The following DPP10 variants were observed in gnomAD, a reference collection of about 807,000 sequenced individuals.
DPP10 encodes inactive dipeptidyl peptidase 10.
Under a neutral mutation model 120.9 loss-of-function variants are expected in DPP10, and 33 were observed. That is an observed-to-expected ratio of 0.27 (90% CI 0.21 to 0.37). The LOEUF (loss-of-function observed/expected upper bound fraction) is 0.37. DPP10 is among the 10% of genes least tolerant of loss of function. The pLI, the probability that DPP10 is intolerant of heterozygous loss-of-function variation, is 1.00. For missense variants in DPP10, 816 were observed against 942.8 expected (o/e 0.87, Z 1.76); for synonymous variants, 337 against 326.1 (o/e 1.03, Z -0.36).
At chr2:115,730,282 A>G (rs1282535740) in intron 8 of DPP10, among the ~76,000 whole-genome samples, 1 of 152,138 alleles carries the variant, frequency 6.6e-6, no homozygotes. Context: ...AGACAATGAA[A>G]TATATAGGTC....
intron 2 of DPP10, among the ~76,000 whole-genome samples, chr2:115,326,296 G>C (rs2062360310): frequency 6.6e-6 from 1 of 152,018 alleles, no homozygotes; most frequent in South Asian, 2.1e-4. Flanking sequence ...CCGTAGTAAG[G>C]TCATAGTAGC....
intron 1 of DPP10, among the ~76,000 whole-genome samples, chr2:114,761,446 T>A (rs1038682652): frequency 7.2e-5 from 11 of 152,178 alleles, no homozygotes; most frequent in Admixed American, 6.5e-4. Context: ...AGAGACTCGC[T>A]CGTATGCTTG....
At chr2:115,820,017 T>C (rs1329012171) in intron 21 of DPP10, among the ~76,000 whole-genome samples, 1 of 152,128 alleles carries the variant, frequency 6.6e-6, no homozygotes, top group African/African-American at 2.4e-5. Flanking sequence ...AAAACAAATA[T>C]AAGCATTTAA....
At chr2:115,513,983 T>G (rs1371689292) in intron 4 of DPP10, among the ~76,000 whole-genome samples, 3 of 151,976 alleles carry the variant, frequency 2.0e-5, no homozygotes, top group African/African-American at 7.2e-5. Context: ...TTTGTTTATT[T>G]AGAAATGACA....
chr2:115,043,265 A>T (rs1704803025), intron 1 of DPP10, among the ~76,000 whole-genome samples: 1 of 152,216 alleles, frequency 6.6e-6, no homozygotes, highest in South Asian at 2.1e-4. Flanking sequence ...TGAATATTAG[A>T]AATGATGCAT....
At chr2:114,913,404 G>A (rs1694530551) in intron 1 of DPP10, among the ~76,000 whole-genome samples, 1 of 152,138 alleles carries the variant, frequency 6.6e-6, no homozygotes, top group African/African-American at 2.4e-5. Context: ...TGCAGGAAGT[G>A]CATAACCTCG....
intron 1 of DPP10, among the ~76,000 whole-genome samples, chr2:115,185,734 G>T (rs995242259): frequency 3.3e-5 from 5 of 152,138 alleles, no homozygotes; most frequent in Non-Finnish European, 7.4e-5. Flanking sequence ...AGATGGATGT[G>T]GCTCTAATTC....
intron 1 of DPP10, among the ~76,000 whole-genome samples, chr2:114,502,865 T>A (rs957815117): frequency 6.6e-6 from 1 of 152,178 alleles, no homozygotes; most frequent in Non-Finnish European, 1.5e-5. Flanking sequence ...CAAATTGAGA[T>A]CAGACTAAGT....
At chr2:115,512,308 C>G (rs1215106589) in intron 4 of DPP10, among the ~76,000 whole-genome samples, 1 of 151,878 alleles carries the variant, frequency 6.6e-6, no homozygotes, top group Non-Finnish European at 1.5e-5. Context: ...CTATTTTGCC[C>G]AGGCTGGTTG....
At chr2:114,690,095 C>T (rs1699637389) in intron 1 of DPP10, among the ~76,000 whole-genome samples, 1 of 152,068 alleles carries the variant, frequency 6.6e-6, no homozygotes, top group African/African-American at 2.4e-5. Flanking sequence ...AATTAGATCC[C>T]ATTTGTCAAT....
At chr2:115,765,671 A>G (rs1680621795) in intron 12 of DPP10, among the ~76,000 whole-genome samples, 2 of 152,174 alleles carry the variant, frequency 1.3e-5, no homozygotes, top group Admixed American at 6.6e-5. Flanking sequence ...TTTAGCAGAA[A>G]AAGGAAGACG....
intron 1 of DPP10, among the ~76,000 whole-genome samples, chr2:115,003,186 A>AC (rs984543756): frequency 1.5e-4 from 23 of 151,532 alleles, no homozygotes; most frequent in African/African-American, 5.1e-4. Flanking sequence ...TAAAAAAAAA[A>AC]AAAAAACAAT....
chr2:114,626,737 A>T, intron 1 of DPP10, among the ~76,000 whole-genome samples: 1 of 152,104 alleles, frequency 6.6e-6, no homozygotes, highest in East Asian at 1.9e-4. Context: ...ACTACCAAGT[A>T]ATATTTTAAT....
chr2:115,383,243 G>T (rs2066558326), intron 3 of DPP10, among the ~76,000 whole-genome samples: 1 of 152,122 alleles, frequency 6.6e-6, no homozygotes, highest in South Asian at 2.1e-4. Context: ...AAGTTGTGGG[G>T]GCAGGTCTTT....
chr2:114,628,877 C>T (rs765069498), intron 1 of DPP10, among the ~76,000 whole-genome samples: 17 of 152,094 alleles, frequency 1.1e-4, no homozygotes, highest in South Asian at 2.1e-4. Flanking sequence ...GTTGACAAGA[C>T]GAACAGTGGA....
intron 1 of DPP10, among the ~76,000 whole-genome samples, chr2:115,276,056 A>G (rs2059909255): frequency 6.6e-6 from 1 of 152,172 alleles, no homozygotes; most frequent in African/African-American, 2.4e-5. Flanking sequence ...AATTTCACCC[A>G]GAAGTGAATT....
chr2:115,395,909 ATATAT>A (rs2067646510), intron 3 of DPP10, among the ~76,000 whole-genome samples: 1 of 152,116 alleles, frequency 6.6e-6, no homozygotes, highest in African/African-American at 2.4e-5. Context: ...AGTGCTGTGT[ATATAT>A]TATATTCTCA....
chr2:115,683,940 C>T (rs113232325), intron 5 of DPP10, among the ~76,000 whole-genome samples: 11 of 151,628 alleles, frequency 7.3e-5, no homozygotes, highest in African/African-American at 2.4e-4. Flanking sequence ...AAACTTATTT[C>T]GGTATAAATA....
At chr2:115,488,767 TATACCTA>T (rs2075909046) in intron 3 of DPP10, among the ~76,000 whole-genome samples, 1 of 127,566 alleles carries the variant, frequency 7.8e-6, no homozygotes, top group African/African-American at 3.0e-5. Flanking sequence ...CATTGGGAGA[TATACCTA>T]ATGCTAGATG....
Sources: allele counts gnomAD v4.1 joint callset (sites outside exome capture counted in the v4.1 genomes callset), GRCh38; gene constraint gnomAD v4.1.1; transcripts MANE v1.5; gene names NCBI Gene and HGNC (gene_info 2026-07-23, HGNC 2026-07-21).